Variants in FSTL5 observed in about 807,000 individuals in gnomAD.
The protein encoded by FSTL5 is follistatin-related protein 5.
Under a neutral mutation model 89.1 loss-of-function variants are expected in FSTL5, and 62 were observed. The ratio of observed to expected loss-of-function variants is 0.70; its 90% CI spans 0.57 to 0.86. The LOEUF is 0.86. FSTL5 is among the 40% of genes least tolerant of loss of function. The pLI, the probability that FSTL5 is intolerant of heterozygous loss-of-function variation, is 0.00. For missense variants in FSTL5, 1,057 were observed against 1,001.6 expected (o/e 1.06, Z -0.75); for synonymous variants, 383 against 346.2 (o/e 1.11, Z -1.18).
intron 15 of FSTL5, among the ~76,000 whole-genome samples, chr4:161,397,452 A>C (rs552344467): frequency 6.6e-6 from 1 of 151,880 alleles, no homozygotes; most frequent in African/African-American, 2.4e-5. Context: ...TAGGCTATAT[A>C]ATATAGTGGG....
At chr4:162,015,519 A>C (rs769568713) in intron 3 of FSTL5, among the ~76,000 whole-genome samples, 1 of 152,208 alleles carries the variant, frequency 6.6e-6, no homozygotes, top group Non-Finnish European at 1.5e-5. Flanking sequence ...TAAAGCACAG[A>C]TATAACTTAG....
rs147546586 is a variant in FSTL5, at chr4:161,558,154, C to T, written c.1016-15461G>A. 2.1e-3 allele frequency among the ~76,000 whole-genome samples: 316 copies of T among 151,944 alleles called. 2 individuals are homozygous for T. Among genetic ancestry groups the T allele is most frequent in the African/African-American group, 7.0e-3 (290 of 41,488 alleles). On this transcript the variant is annotated intron_variant, in intron 8 of 15. Transcript: ENST00000306100. ...TATAAAACAATCCCAGAAGGATGTA[C>T]AGTGTATGACTCCATTTATATAATA...
At chr4:161,740,052 T>C (rs1739959350) in intron 6 of FSTL5, among the ~76,000 whole-genome samples, 1 of 151,876 alleles carries the variant, frequency 6.6e-6, no homozygotes, top group South Asian at 2.1e-4. Context: ...AGAGTTTTGC[T>C]CTTGTCGCCC....
In FSTL5 at chr4:162,021,826, C is replaced by T. The variant is rs188024300; in HGVS notation, c.160+11799G>A. On this transcript the variant is annotated intron_variant, in intron 3 of 15. Transcript: ENST00000306100. Reference sequence around the variant, plus strand: ...AAGAAGTTATGGCTGGGCACGATGGCTCACACCTGTAATCCCAGCACTTTG... The same window carrying T: ...AAGAAGTTATGGCTGGGCACGATGGTTCACACCTGTAATCCCAGCACTTTG... Among the ~76,000 whole-genome samples, 525 of 151,160 alleles carry T rather than the reference C, an allele frequency of 3.5e-3. 5 individuals are homozygous for T. The highest frequency in any genetic ancestry group is 5.8e-3 in the Non-Finnish European group (392 of 67,826).
At chr4:161,738,567 A>T (rs562648190) in intron 6 of FSTL5, among the ~76,000 whole-genome samples, 42 of 152,228 alleles carry the variant, frequency 2.8e-4, no homozygotes, top group African/African-American at 9.6e-4. Flanking sequence ...CCCAGATACC[A>T]GGATAATTAA....
At chr4:161,731,206 G>A (rs1739597328) in intron 6 of FSTL5, among the ~76,000 whole-genome samples, 1 of 152,130 alleles carries the variant, frequency 6.6e-6, no homozygotes, top group African/African-American at 2.4e-5. Context: ...ACACACTCAA[G>A]ATGATGAATC....
At chr4:161,920,288 G>C in intron 4 of FSTL5, 116 bp downstream of exon 4, 2 of 955,752 alleles carry the variant, frequency 2.1e-6, no homozygotes. Context: ...AGGCTATTTT[G>C]TGTTTCTTTT....
rs1395262818 is a variant in FSTL5, at chr4:161,930,894, A to G, written c.161-10242T>C. 2.0e-5 allele frequency among the ~76,000 whole-genome samples: 3 copies of G among 151,864 alleles called. No individual in the cohort carries two copies. In the Admixed American group the frequency reaches 2.0e-4, roughly 10 times the overall value. On this transcript the variant is annotated intron_variant, in intron 3 of 15. Coordinates refer to ENST00000306100, the MANE Select transcript of FSTL5 (RefSeq NM_020116.5). The stretch of plus-strand genomic sequence containing the variant: ...ATATTCCTTTCCCGGAGCAAAAGAC[A>G]CGGAGTCAATCTGCTGCCTGAATTA...
chr4:162,008,041 G>A (rs902788266), intron 3 of FSTL5, among the ~76,000 whole-genome samples: 5 of 151,596 alleles, frequency 3.3e-5, no homozygotes, highest in Admixed American at 1.3e-4. Context: ...ATCAAAATAC[G>A]TACTTATAAT....
chr4:161,945,195 C>T (rs1261649900), intron 3 of FSTL5, among the ~76,000 whole-genome samples: 1 of 152,118 alleles, frequency 6.6e-6, no homozygotes, highest in Non-Finnish European at 1.5e-5. Context: ...TCTTCCACTG[C>T]CCAGACAAAT....
intron 4 of FSTL5, among the ~76,000 whole-genome samples, chr4:161,788,581 A>G (rs944356196): frequency 2.0e-5 from 3 of 152,176 alleles, no homozygotes; most frequent in Non-Finnish European, 2.9e-5. Flanking sequence ...TTATTTAGTA[A>G]AAACACTTTG....
chr4:161,720,743 C>T (rs1448935670), intron 6 of FSTL5, among the ~76,000 whole-genome samples: 1 of 152,138 alleles, frequency 6.6e-6, no homozygotes, highest in Admixed American at 6.6e-5. Flanking sequence ...GGCCATTATG[C>T]TACATTAAAT....
chr4:161,724,758 T>G (rs773148105), intron 6 of FSTL5, among the ~76,000 whole-genome samples: 1 of 152,188 alleles, frequency 6.6e-6, no homozygotes, highest in African/African-American at 2.4e-5. Context: ...GCTTAGTCAT[T>G]TGGGCAAAGG....
intron 6 of FSTL5, among the ~76,000 whole-genome samples, chr4:161,684,736 G>A (rs1387177772): frequency 2.0e-5 from 3 of 152,082 alleles, no homozygotes; most frequent in Non-Finnish European, 4.4e-5. Flanking sequence ...TCTGTTGACT[G>A]TTCCTTTTGC....
At chr4:161,964,807 T>C (rs994377310) in intron 3 of FSTL5, among the ~76,000 whole-genome samples, 6 of 152,038 alleles carry the variant, frequency 3.9e-5, no homozygotes, top group Non-Finnish European at 7.4e-5. Context: ...ATGTAACCAT[T>C]ACATTTTGGA....
At chr4:161,405,233 CAA>C (rs201674182) in intron 15 of FSTL5, among the ~76,000 whole-genome samples, 7 of 123,080 alleles carry the variant, frequency 5.7e-5, no homozygotes, top group African/African-American at 8.8e-5. Context: ...AACTTTGTCT[CAA>C]AAAAAAAAAA....
chr4:161,696,161 T>A (rs183818773), intron 6 of FSTL5, among the ~76,000 whole-genome samples: 141 of 152,344 alleles, frequency 9.3e-4, no homozygotes, highest in African/African-American at 3.2e-3. Flanking sequence ...GGATCCAGTT[T>A]CATTCTCCTA....
chr4:162,146,536 A>T (rs1424263749), intron 1 of FSTL5, among the ~76,000 whole-genome samples: 1 of 152,132 alleles, frequency 6.6e-6, no homozygotes, highest in Non-Finnish European at 1.5e-5. Context: ...CCCAACACCT[A>T]GTATTCCCTA....
chr4:161,540,939 C>G (rs958594316), intron 9 of FSTL5, among the ~76,000 whole-genome samples: 1 of 152,038 alleles, frequency 6.6e-6, no homozygotes, highest in Non-Finnish European at 1.5e-5. Flanking sequence ...AGTCTCCTGT[C>G]TCTTGATGAA....
Sources: gnomAD v4.1 joint callset for allele counts (sites outside exome capture counted in the v4.1 genomes callset) on GRCh38, gnomAD v4.1.1 for gene constraint, MANE v1.5 for transcripts, NCBI Gene and HGNC (gene_info 2026-07-23, HGNC 2026-07-21) for gene names.